The following C2orf42 variants were observed in gnomAD, a reference collection of about 807,000 sequenced individuals.
C2orf42 encodes uncharacterized protein C2orf42.
Under a neutral mutation model 58.9 loss-of-function variants are expected in C2orf42, and 44 were observed. That is an observed-to-expected ratio of 0.75 (90% CI 0.59 to 0.96). C2orf42 has a LOEUF of 0.96. C2orf42 is among the 40% of genes least tolerant of loss of function. The pLI is 0.00. For synonymous variants in C2orf42, 239 were observed against 265.4 expected, an observed-to-expected ratio of 0.90 and a Z score of 0.97; for missense variants, 630 against 699.2, an observed-to-expected ratio of 0.90 and a Z score of 1.12.
chr2:70,183,105 G>A (rs1373292177), intron 1 of C2orf42, among the ~76,000 whole-genome samples, 170 bp from the exon 2 acceptor site: 2 of 152,092 alleles, frequency 1.3e-5, no homozygotes, highest in Admixed American at 6.6e-5. Context: ...TGTAAGGAAG[G>A]TAAAAAGGTG....
intron 8 of C2orf42, among the ~76,000 whole-genome samples, chr2:70,161,872 C>T (rs537758622): frequency 3.0e-3 from 458 of 150,828 alleles, no homozygotes; most frequent in African/African-American, 0.01. Flanking sequence ...GTCAAGGTCT[C>T]ACTTGGTTGC....
intron 5 of C2orf42, among the ~76,000 whole-genome samples, chr2:70,172,467 C>T (rs1162776586): frequency 6.6e-6 from 1 of 151,978 alleles, no homozygotes; most frequent in African/African-American, 2.4e-5. Context: ...CTCTTGAGCC[C>T]AGGAGTTTGA....
intron 8 of C2orf42, among the ~76,000 whole-genome samples, chr2:70,164,458 C>G (rs1346472066): frequency 2.0e-5 from 3 of 151,770 alleles, no homozygotes; most frequent in African/African-American, 7.3e-5. Flanking sequence ...ATGGTCAAAC[C>G]CTGTCTCTAC....
At chr2:70,154,007 C>T (rs1320820363) in intron 9 of C2orf42, among the ~76,000 whole-genome samples, 3 of 150,542 alleles carry the variant, frequency 2.0e-5, no homozygotes, top group Non-Finnish European at 4.4e-5. Flanking sequence ...GAGCCGAGAT[C>T]GCGCCACTGC....
intron 9 of C2orf42, among the ~76,000 whole-genome samples, chr2:70,157,197 G>A (rs1287417160): frequency 6.6e-6 from 1 of 152,174 alleles, no homozygotes; most frequent in Non-Finnish European, 1.5e-5. Context: ...GCTCACGCCT[G>A]TAATCCCAGC....
chr2:70,151,427 G>A (rs1672303913), intron 9 of C2orf42, among the ~76,000 whole-genome samples: 1 of 152,114 alleles, frequency 6.6e-6, no homozygotes, highest in African/African-American at 2.4e-5. Flanking sequence ...CTTGAGGTCA[G>A]GAGTTTGAGA....
At chr2:70,171,417 A>G (rs1673811834) in intron 5 of C2orf42, among the ~76,000 whole-genome samples, 1 of 152,214 alleles carries the variant, frequency 6.6e-6, no homozygotes, top group African/African-American at 2.4e-5. Context: ...GGTTGACCAC[A>G]AATAGATGAC....
intron 4 of C2orf42, 61 bp from the exon 5 acceptor site, chr2:70,175,838 T>A: frequency 9.3e-7 from 1 of 1,073,252 alleles, no homozygotes; most frequent in East Asian, 2.4e-5. Flanking sequence ...TGATTTGATG[T>A]TAATTTTTAG....
intron 5 of C2orf42, among the ~76,000 whole-genome samples, chr2:70,170,039 G>A (rs768766667): frequency 3.3e-5 from 5 of 151,910 alleles, no homozygotes; most frequent in African/African-American, 9.7e-5. Flanking sequence ...GATTACAGGC[G>A]TGAGCCACCG....
chr2:70,183,428 CT>C (rs1413295497), intron 1 of C2orf42, among the ~76,000 whole-genome samples: 46 of 147,426 alleles, frequency 3.1e-4, no homozygotes, highest in East Asian at 1.6e-3. Context: ...GACCCCATCT[CT>C]TTTTTTTTTT....
chr2:70,183,619 C>T (rs149934017), intron 1 of C2orf42, among the ~76,000 whole-genome samples: 3,399 of 151,002 alleles, frequency 0.023, 139 homozygotes, highest in African/African-American at 0.078. Context: ...TTAGTAGAGA[C>T]GGGGTTTCAC....
chr2:70,164,156 A>T (rs1673242866), intron 8 of C2orf42, among the ~76,000 whole-genome samples: 1 of 151,934 alleles, frequency 6.6e-6, no homozygotes, highest in Non-Finnish European at 1.5e-5. Context: ...TACAAAAATT[A>T]GCTGGGCATG....
At chr2:70,189,406 CAAAAAAAA>C (rs1182514916) in intron 1 of C2orf42, among the ~76,000 whole-genome samples, 10 of 27,142 alleles carry the variant, frequency 3.7e-4, no homozygotes, top group African/African-American at 8.6e-4. Flanking sequence ...AACTCCATCT[CAAAAAAAA>C]AAAAAAAAAA....
At chr2:70,172,939 G>A (rs1673926123) in intron 5 of C2orf42, among the ~76,000 whole-genome samples, 1 of 152,140 alleles carries the variant, frequency 6.6e-6, no homozygotes, top group Non-Finnish European at 1.5e-5. Context: ...AAGGCAGGCG[G>A]ATCACTTAAG....
At chr2:70,187,351 A>G (rs1423744233) in intron 1 of C2orf42, among the ~76,000 whole-genome samples, 1 of 152,104 alleles carries the variant, frequency 6.6e-6, no homozygotes, top group Admixed American at 6.6e-5. Context: ...CCCGGGTTCA[A>G]GTGATTCTCC....
chr2:70,181,019 A>G (rs1263774958), intron 3 of C2orf42, 144 bp downstream of exon 3: 3 of 531,430 alleles, frequency 5.6e-6, no homozygotes, highest in Non-Finnish European at 6.5e-6. Context: ...AAAAAAAAAA[A>G]AAAAAAAAGA....
In C2orf42 at chr2:70,170,024, G is replaced by A. The variant is rs148582151; in HGVS notation, c.1040-363C>T. Among the ~76,000 whole-genome samples the A allele has an allele frequency of 3.1e-3, 466 of 152,098 alleles. 1 individual carries two copies. The highest frequency in any genetic ancestry group is 0.011 in the African/African-American group (451 of 41,520). Reference sequence around the variant, plus strand: ...TCCACCTGCCTCGGCCTCCCAAAGTGTAGGGATTACAGGCGTGAGCCACCG... The same window carrying A: ...TCCACCTGCCTCGGCCTCCCAAAGTATAGGGATTACAGGCGTGAGCCACCG... On this transcript the variant is annotated intron_variant, in intron 5 of 9. Coordinates refer to ENST00000264434, the MANE Select transcript of C2orf42 (RefSeq NM_017880.3).
At chr2:70,159,274 C>G (rs1672904181) in intron 9 of C2orf42, among the ~76,000 whole-genome samples, 1 of 151,664 alleles carries the variant, frequency 6.6e-6, no homozygotes, top group Non-Finnish European at 1.5e-5. Context: ...TTATTGTAGA[C>G]AAAAGAAGGA....
At chr2:70,162,571 G>A (rs1322780469) in intron 8 of C2orf42, among the ~76,000 whole-genome samples, 1 of 151,722 alleles carries the variant, frequency 6.6e-6, no homozygotes, top group East Asian at 2.0e-4. Flanking sequence ...TTGAACCTGG[G>A]AGGCAGAGGC....
Sources: allele counts gnomAD v4.1 joint callset (sites outside exome capture counted in the v4.1 genomes callset), GRCh38; gene constraint gnomAD v4.1.1; transcripts MANE v1.5; gene names NCBI Gene and HGNC (gene_info 2026-07-23, HGNC 2026-07-21).